Variants in ARSJ observed in about 807,000 individuals in gnomAD.
The protein encoded by ARSJ is arylsulfatase family member J.
In ARSJ, 26 loss-of-function variants were observed where a neutral mutation model predicts 35.9. The observed-to-expected ratio is 0.72, with a 90% CI of 0.53 to 1.00. The LOEUF (loss-of-function observed/expected upper bound fraction) is 1.00, where lower values mean the gene tolerates loss of function less well. ARSJ is among the 50% of genes least tolerant of loss of function. ARSJ has a pLI of 0.00. For missense variants in ARSJ, 667 were observed against 723.6 expected, an observed-to-expected ratio of 0.92 and a Z score of 0.90; for synonymous variants, 294 against 267.6, an observed-to-expected ratio of 1.10 and a Z score of -0.96.
chr4:113,973,427 A>C (rs1011565906), intron 1 of ARSJ, among the ~76,000 whole-genome samples: 3 of 152,154 alleles, frequency 2.0e-5, no homozygotes, highest in Non-Finnish European at 4.4e-5. Context: ...CAAAGGGTCC[A>C]TGATCCACCA....
At chr4:113,950,290 CT>C (rs1725776403) in intron 1 of ARSJ, among the ~76,000 whole-genome samples, 2 of 152,068 alleles carry the variant, frequency 1.3e-5, no homozygotes, top group Non-Finnish European at 2.9e-5. Context: ...TATTCTAACC[CT>C]CCCCCTTCCT....
rs114363073 is a variant in ARSJ, at chr4:113,925,129, C to T, written c.399-21454G>A. On this transcript the variant is annotated intron_variant, in intron 1 of 1. Coordinates refer to ENST00000315366, the MANE Select transcript of ARSJ (RefSeq NM_024590.4). ...GTAGACTGATTTCACCTTGATATTCCGGGTCAATCACCCCAGCCAACACTA... is the reference window on the plus strand; with the variant it reads ...GTAGACTGATTTCACCTTGATATTCTGGGTCAATCACCCCAGCCAACACTA... 4.2e-3 allele frequency among the ~76,000 whole-genome samples: 643 copies of T among 152,146 alleles called. 4 individuals are homozygous for T. The highest frequency in any genetic ancestry group is 0.013 in the African/African-American group (526 of 41,514).
At position 113,901,777 on chromosome 4, in the gene ARSJ, C is replaced by T. The variant is rs985840688; in HGVS notation, c.*497G>A. The T allele has an allele frequency of 2.5e-5, 4 of 158,422 alleles. No homozygotes were observed. The highest frequency in any genetic ancestry group is 9.7e-5 in the African/African-American group (4 of 41,420). 9.8% of individuals were successfully genotyped at this position (158,422 alleles called of 1,614,324 possible). ...ATATGACAGACATACAAAAATTCAC[C>T]AAGAAAATATATTCTTCAAGGCCTT... On this transcript the variant is annotated 3_prime_UTR_variant, in exon 2 of 2. Transcript: ENST00000315366.
At chr4:113,912,735 A>ATG (rs34936997) in intron 1 of ARSJ, among the ~76,000 whole-genome samples, 2,604 of 147,566 alleles carry the variant, frequency 0.018, 23 homozygotes, top group African/African-American at 0.029. Flanking sequence ...ATAAATGAGA[A>ATG]TGTGTGTGTG....
In ARSJ at chr4:113,902,088, T is replaced by C; in HGVS notation, c.*186A>G. 6.4e-7 allele frequency: 1 copy of C among 1,564,890 alleles called. No homozygotes were observed. Among genetic ancestry groups the C allele is most frequent in the Non-Finnish European group, 8.6e-7 (1 of 1,160,360 alleles). On this transcript the variant is annotated 3_prime_UTR_variant, in exon 2 of 2. Transcript: ENST00000315366. ...AAGTGTGGCTTGCAAGAGTAGCACC[T>C]TGGCACTGAGCAGGACAGTTTTCAG...
intron 1 of ARSJ, among the ~76,000 whole-genome samples, chr4:113,904,648 A>C (rs527552678): frequency 9.9e-5 from 15 of 151,992 alleles, no homozygotes; most frequent in Non-Finnish European, 1.6e-4. Context: ...CCACGCCCAG[A>C]TAATTTTTTT....
chr4:113,972,306 A>C (rs1594521556), intron 1 of ARSJ, among the ~76,000 whole-genome samples: 1 of 115,418 alleles, frequency 8.7e-6, no homozygotes, highest in Non-Finnish European at 1.8e-5. Flanking sequence ...AAAAAAAAAA[A>C]CAAAAAAAAA....
chr4:113,936,048 T>C (rs535154110), intron 1 of ARSJ, among the ~76,000 whole-genome samples: 4 of 152,146 alleles, frequency 2.6e-5, no homozygotes, highest in African/African-American at 9.6e-5. Flanking sequence ...AAAATGATCA[T>C]ACTATTGTTA....
intron 1 of ARSJ, among the ~76,000 whole-genome samples, chr4:113,908,853 C>A (rs890328196): frequency 1.3e-5 from 2 of 151,944 alleles, no homozygotes; most frequent in Non-Finnish European, 2.9e-5. Flanking sequence ...TCTTGCATTA[C>A]CCTTTGGTGT....
intron 1 of ARSJ, among the ~76,000 whole-genome samples, chr4:113,917,881 T>C (rs1386141035): frequency 6.6e-6 from 1 of 152,202 alleles, no homozygotes; most frequent in Non-Finnish European, 1.5e-5. Flanking sequence ...TGAAATGGGA[T>C]TAATAATAAC....
In ARSJ at chr4:113,978,934, G is replaced by T; in HGVS notation, c.-100C>A. On this transcript the variant is annotated 5_prime_UTR_variant, in exon 1 of 2. Transcript: ENST00000315366. ...AACAGACGGTGAAGACTCTCCACCT[G>T]GCAAGAAATCCTCCTCTCCTCTCAG... 1 of 1,285,370 alleles carries T rather than the reference G, an allele frequency of 7.8e-7. No individual in the cohort carries two copies. Among genetic ancestry groups the T allele is most frequent in the Non-Finnish European group, 1.1e-6 (1 of 937,724 alleles). The allele number at this position is 1,285,370 out of a possible 1,614,324, so 79.6% of individuals were successfully genotyped here.
chr4:113,965,894 A>G (rs543968768), intron 1 of ARSJ, among the ~76,000 whole-genome samples: 1 of 152,072 alleles, frequency 6.6e-6, no homozygotes, highest in African/African-American at 2.4e-5. Flanking sequence ...CTGTTCACAT[A>G]CATTCATTAT....
chr4:113,972,317 AAC>A (rs200098427), intron 1 of ARSJ, among the ~76,000 whole-genome samples: 17 of 149,222 alleles, frequency 1.1e-4, no homozygotes, highest in African/African-American at 1.7e-4. Flanking sequence ...CAAAAAAAAA[AAC>A]CCCACCATGA....
intron 1 of ARSJ, among the ~76,000 whole-genome samples, chr4:113,951,304 C>T (rs1725851105): frequency 6.6e-6 from 1 of 152,102 alleles, no homozygotes; most frequent in African/African-American, 2.4e-5. Context: ...TATGTGAAGA[C>T]AGTTACCACG....
intron 1 of ARSJ, among the ~76,000 whole-genome samples, chr4:113,941,365 T>C (rs1725148748): frequency 6.6e-6 from 1 of 152,016 alleles, no homozygotes; most frequent in Non-Finnish European, 1.5e-5. Context: ...ACGTTTTGAT[T>C]CAGAAAATGT....
At chr4:113,917,111 T>C (rs1723358110) in intron 1 of ARSJ, among the ~76,000 whole-genome samples, 1 of 152,126 alleles carries the variant, frequency 6.6e-6, no homozygotes, top group African/African-American at 2.4e-5. Flanking sequence ...AGCATACCCA[T>C]TTTTGATCAC....
chr4:113,976,626 A>G (rs1562382347), intron 1 of ARSJ, among the ~76,000 whole-genome samples: 1 of 152,226 alleles, frequency 6.6e-6, no homozygotes, highest in Non-Finnish European at 1.5e-5. Flanking sequence ...ATTTGTCTAA[A>G]AGGAGAAATT....
intron 1 of ARSJ, among the ~76,000 whole-genome samples, chr4:113,924,038 TATATATAAATATATATAA>T (rs1562345388): frequency 6.4e-4 from 4 of 6,280 alleles, no homozygotes; most frequent in African/African-American, 1.2e-3. Context: ...TATATATAAA[TATATATAAATATATATAA>T]ATATATATAA....
At chr4:113,942,133 T>C (rs1279487265) in intron 1 of ARSJ, among the ~76,000 whole-genome samples, 2 of 151,932 alleles carry the variant, frequency 1.3e-5, no homozygotes, top group Non-Finnish European at 2.9e-5. Context: ...TTAACTGGAA[T>C]GTAAAGAATA....
Sources: allele counts gnomAD v4.1 joint callset (sites outside exome capture counted in the v4.1 genomes callset), GRCh38; gene constraint gnomAD v4.1.1; transcripts MANE v1.5; gene names NCBI Gene and HGNC (gene_info 2026-07-23, HGNC 2026-07-21).